FHIT: variants seen among roughly 807,000 people sequenced by gnomAD.
FHIT encodes fragile histidine triad diadenosine triphosphatase.
Under a neutral mutation model 17.9 loss-of-function variants are expected in FHIT, and 19 were observed. The observed-to-expected ratio is 1.06, with a 90% confidence interval of 0.74 to 1.56. The LOEUF is 1.56. FHIT is among the 40% of genes most tolerant of loss of function. The pLI, the probability that FHIT is intolerant of heterozygous loss-of-function variation, is 0.00. For missense variants in FHIT, 248 were observed against 189.2 expected, an observed-to-expected ratio of 1.31 and a Z score of -1.82; for synonymous variants, 81 against 69.7, an observed-to-expected ratio of 1.16 and a Z score of -0.81.
chr3:60,695,766 TGTAATCTTGAGCAAC>T (rs1473394809), intron 4 of FHIT, among the ~76,000 whole-genome samples: 2 of 152,218 alleles, frequency 1.3e-5, no homozygotes, highest in Non-Finnish European at 2.9e-5. Context: ...ATTGACAAGC[TGTAATCTTGAGCAAC>T]GTATTTAACT....
In FHIT at chr3:61,231,326, T is replaced by C. The variant is rs181484334; in HGVS notation, c.-213+19975A>G. 3.0e-4 allele frequency among the ~76,000 whole-genome samples: 45 copies of C among 152,160 alleles called. No homozygotes were observed. The South Asian group carries it at 8.9e-3, about 30-fold the overall frequency. ...GGACAACATAATAAGACCCCATTTC[T>C]ACAAAAAGTTTAAAAAAAATTGCTA... is the stretch of plus-strand genomic sequence containing the variant. On this transcript the variant is annotated intron_variant, in intron 1 of 9. Coordinates refer to ENST00000492590, the MANE Select transcript of FHIT (RefSeq NM_002012.4).
intron 2 of FHIT, among the ~76,000 whole-genome samples, chr3:61,198,360 T>A (rs2038912692): frequency 6.6e-6 from 1 of 152,120 alleles, no homozygotes; most frequent in Non-Finnish European, 1.5e-5. Flanking sequence ...AAGAATCAAA[T>A]TCCAAAGAAG....
intron 4 of FHIT, among the ~76,000 whole-genome samples, chr3:60,664,933 C>T (rs1484896041): frequency 1.3e-5 from 2 of 151,688 alleles, no homozygotes; most frequent in Non-Finnish European, 2.9e-5. Context: ...TCATTGACTA[C>T]CTTTTTCTTA....
chr3:60,547,739 A>G (rs2036414520), intron 4 of FHIT, among the ~76,000 whole-genome samples: 1 of 152,154 alleles, frequency 6.6e-6, no homozygotes, highest in African/African-American at 2.4e-5. Flanking sequence ...ATAAACATAA[A>G]AGAAACAATG....
intron 2 of FHIT, among the ~76,000 whole-genome samples, chr3:61,154,950 G>C (rs2037493501): frequency 1.3e-5 from 2 of 152,124 alleles, no homozygotes; most frequent in African/African-American, 4.8e-5. Context: ...CCCTCAAAGG[G>C]AGGACCCGAC....
intron 5 of FHIT, among the ~76,000 whole-genome samples, chr3:60,221,887 G>C (rs1703977645): frequency 1.3e-5 from 2 of 151,708 alleles, no homozygotes; most frequent in Non-Finnish European, 2.9e-5. Context: ...ATTAGGCCTA[G>C]TAGAGTGAAA....
chr3:59,887,424 G>A (rs17061340), intron 8 of FHIT, among the ~76,000 whole-genome samples: 8,317 of 152,088 alleles, frequency 0.055, 748 homozygotes, highest in African/African-American at 0.19. Flanking sequence ...TTCTTTAAGC[G>A]CACAGGTAAT....
chr3:60,321,272 G>A (rs955968160), intron 5 of FHIT, among the ~76,000 whole-genome samples: 5 of 152,150 alleles, frequency 3.3e-5, no homozygotes, highest in African/African-American at 1.2e-4. Flanking sequence ...TTGAGCTCAG[G>A]AGTTCAAGAT....
At chr3:60,496,179 C>G (rs1029117004) in intron 5 of FHIT, among the ~76,000 whole-genome samples, 1 of 151,874 alleles carries the variant, frequency 6.6e-6, no homozygotes, top group African/African-American at 2.4e-5. Flanking sequence ...GGCACTATCC[C>G]CTGTCCCGAC....
At chr3:61,054,670 C>A (rs1272917126) in intron 2 of FHIT, among the ~76,000 whole-genome samples, 1 of 152,174 alleles carries the variant, frequency 6.6e-6, no homozygotes, top group Non-Finnish European at 1.5e-5. Context: ...CTTCCCTGCA[C>A]AGTTCCCAAG....
chr3:60,516,393 T>C (rs2035158199), intron 5 of FHIT, among the ~76,000 whole-genome samples: 1 of 152,224 alleles, frequency 6.6e-6, no homozygotes, highest in African/African-American at 2.4e-5. Context: ...ATGAGATGTC[T>C]TCGCTAAAGC....
At chr3:59,803,300 G>C (rs1319878302) in intron 8 of FHIT, among the ~76,000 whole-genome samples, 1 of 152,208 alleles carries the variant, frequency 6.6e-6, no homozygotes, top group Non-Finnish European at 1.5e-5. Context: ...GGGACAGAAA[G>C]AAGACTAAAG....
intron 4 of FHIT, among the ~76,000 whole-genome samples, chr3:60,664,542 T>C (rs1185837597): frequency 6.6e-6 from 1 of 152,000 alleles, no homozygotes; most frequent in Non-Finnish European, 1.5e-5. Flanking sequence ...GAAAAGATAA[T>C]ATAAAATTGG....
chr3:60,067,907 G>A (rs1702589725), intron 5 of FHIT, among the ~76,000 whole-genome samples: 1 of 152,138 alleles, frequency 6.6e-6, no homozygotes, highest in Non-Finnish European at 1.5e-5. Flanking sequence ...TAGTTTCAAT[G>A]GTTTCACACT....
intron 4 of FHIT, among the ~76,000 whole-genome samples, chr3:60,553,130 A>G (rs935720934): frequency 2.0e-5 from 3 of 152,166 alleles, no homozygotes; most frequent in Admixed American, 1.3e-4. Context: ...GCTTTTATTA[A>G]TCTTTCTTAT....
chr3:60,163,566 G>A (rs550537808), intron 5 of FHIT, among the ~76,000 whole-genome samples: 4 of 152,060 alleles, frequency 2.6e-5, no homozygotes, highest in African/African-American at 9.7e-5. Context: ...ACCCATCTCT[G>A]CCACCTTGCT....
intron 5 of FHIT, among the ~76,000 whole-genome samples, chr3:60,088,734 G>A (rs553899632): frequency 3.9e-5 from 6 of 152,206 alleles, no homozygotes; most frequent in African/African-American, 1.4e-4. Context: ...ATCTTCCAAA[G>A]TTATAGAAAA....
chr3:61,034,937 C>T (rs899499846), intron 3 of FHIT, among the ~76,000 whole-genome samples: 1 of 152,114 alleles, frequency 6.6e-6, no homozygotes, highest in Admixed American at 6.6e-5. Flanking sequence ...GTAATATATC[C>T]ATACAATGCA....
chr3:60,243,646 A>T (rs1379078200), intron 5 of FHIT, among the ~76,000 whole-genome samples: 1 of 152,160 alleles, frequency 6.6e-6, no homozygotes, highest in Non-Finnish European at 1.5e-5. Flanking sequence ...TCAACAGCAG[A>T]AACTATTATC....
Sources: gnomAD v4.1 joint callset for allele counts (sites outside exome capture counted in the v4.1 genomes callset) on GRCh38, gnomAD v4.1.1 for gene constraint, MANE v1.5 for transcripts, NCBI Gene and HGNC (gene_info 2026-07-23, HGNC 2026-07-21) for gene names.